The following EIF4EBP1 variants were observed in gnomAD, a reference collection of about 807,000 sequenced individuals.
EIF4EBP1 encodes eukaryotic translation initiation factor 4E-binding protein 1.
Under a neutral mutation model 9.2 loss-of-function variants are expected in EIF4EBP1, and 5 were observed. The observed-to-expected ratio is 0.54, with a 90% CI of 0.28 to 1.14. The LOEUF is 1.14. EIF4EBP1 is among the 50% of genes most tolerant of loss of function. The probability of loss-of-function intolerance (pLI) is 0.09; values close to 1 mark genes in which losing one functional copy is unlikely to be tolerated. For missense variants in EIF4EBP1, 139 were observed against 169.6 expected (o/e 0.82, Z 1.00); for synonymous variants, 62 against 67.0 (o/e 0.93, Z 0.36).
At chr8:38,055,399 C>T (rs935717783) in intron 1 of EIF4EBP1, among the ~76,000 whole-genome samples, 2 of 152,092 alleles carry the variant, frequency 1.3e-5, no homozygotes, top group African/African-American at 4.8e-5. Flanking sequence ...CTCATCATAG[C>T]CCCTAAGTGA....
At chr8:38,059,361 C>T (rs971261009) in intron 2 of EIF4EBP1, among the ~76,000 whole-genome samples, 5 of 152,196 alleles carry the variant, frequency 3.3e-5, no homozygotes, top group African/African-American at 1.2e-4. Context: ...TCCCGCTTTG[C>T]TTTCCACCAT....
intron 1 of EIF4EBP1, among the ~76,000 whole-genome samples, chr8:38,040,685 C>A (rs1809365593): frequency 6.6e-6 from 1 of 152,190 alleles, no homozygotes; most frequent in African/African-American, 2.4e-5. Context: ...TTCCCTCTAT[C>A]CTCTTGGTCT....
rs112068121 is a variant in EIF4EBP1 at position 38,054,854 on chromosome 8, TG to T, written c.146-2224del. ...TAGGCACTCAGACCTAGAAGGTGCA[TG>T]GGTCTTTATTTTACAGATGAGGAGA... On this transcript the variant is annotated intron_variant, in intron 1 of 2. Transcript: ENST00000338825. Among the ~76,000 whole-genome samples the T allele has an allele frequency of 1.4e-3, 216 of 152,272 alleles. 2 individuals are homozygous for T. The highest frequency in any genetic ancestry group is 4.9e-3 in the African/African-American group (202 of 41,554).
intron 1 of EIF4EBP1, among the ~76,000 whole-genome samples, chr8:38,041,490 A>T (rs1809378932): frequency 6.6e-6 from 1 of 152,190 alleles, no homozygotes. Context: ...ATAATCCTCC[A>T]CAAGGGCCAG....
At chr8:38,049,220 A>G (rs1182367662) in intron 1 of EIF4EBP1, among the ~76,000 whole-genome samples, 1 of 152,060 alleles carries the variant, frequency 6.6e-6, no homozygotes, top group Non-Finnish European at 1.5e-5. Flanking sequence ...TGCAGGTTGA[A>G]GTGAATTTTC....
At position 38,051,149 on chromosome 8, in the gene EIF4EBP1, A is replaced by G. The variant is rs372720799; in HGVS notation, c.146-5932A>G. On this transcript the variant is annotated intron_variant, in intron 1 of 2. Transcript: ENST00000338825. ...CAGACTTCCAAGCAGTCTCCCTGTT[A>G]TCAGCCCCCATCCCCAGATTCCATG... Among the ~76,000 whole-genome samples the G allele has an allele frequency of 2.5e-4, 38 of 152,236 alleles. 1 individual carries two copies. The South Asian group carries it at 7.7e-3, about 31-fold the overall frequency.
chr8:38,040,908 G>A (rs1272053684), intron 1 of EIF4EBP1, among the ~76,000 whole-genome samples: 2 of 150,292 alleles, frequency 1.3e-5, no homozygotes, highest in African/African-American at 5.0e-5. Context: ...TTGAGATGGA[G>A]TCTCTCTCTG....
In EIF4EBP1 at chr8:38,051,798, T is replaced by C. The variant is rs1048121492; in HGVS notation, c.146-5283T>C. ...TTTTAATAGAGGCGGGATTTCGCCATGTTGGCCAGGCTGGTCTCGAACTCC... is the reference window on the plus strand; with the variant it reads ...TTTTAATAGAGGCGGGATTTCGCCACGTTGGCCAGGCTGGTCTCGAACTCC... On this transcript the variant is annotated intron_variant, in intron 1 of 2. Coordinates refer to ENST00000338825, the MANE Select transcript of EIF4EBP1 (RefSeq NM_004095.4). 1.4e-4 allele frequency among the ~76,000 whole-genome samples: 21 copies of C among 152,164 alleles called. No individual in the cohort carries two copies. In the South Asian group the frequency reaches 1.7e-3, roughly 12 times the overall value.
chr8:38,059,533 T>C (rs957303136), intron 2 of EIF4EBP1, among the ~76,000 whole-genome samples: 2 of 151,840 alleles, frequency 1.3e-5, no homozygotes, highest in Admixed American at 1.3e-4. Flanking sequence ...GGGTGGATCA[T>C]CTGAGATCAG....
chr8:38,055,119 A>G (rs1809579037), intron 1 of EIF4EBP1, among the ~76,000 whole-genome samples: 2 of 152,178 alleles, frequency 1.3e-5, no homozygotes, highest in African/African-American at 2.4e-5. Flanking sequence ...CTAGAGGAAC[A>G]CAGCCAGCAG....
intron 1 of EIF4EBP1, among the ~76,000 whole-genome samples, chr8:38,040,475 C>T (rs1025288804): frequency 1.4e-4 from 22 of 152,192 alleles, no homozygotes; most frequent in African/African-American, 5.1e-4. Context: ...ATATAACAAG[C>T]CATCCCCAAA....
Position 38,057,335 on chromosome 8 carries a change from G to A in EIF4EBP1, c.325+75G>A, listed in dbSNP as rs544146861. On this transcript the variant is annotated intron_variant, in intron 2 of 2. Coordinates refer to ENST00000338825, the MANE Select transcript of EIF4EBP1 (RefSeq NM_004095.4). ...AGGCTCCTGGAGTCCATCCACTGGG[G>A]GCAATTCCAGGGAGGAGGAACAACA... 5.6e-4 allele frequency: 837 copies of A among 1,495,240 alleles called. 1 individual carries two copies. Among genetic ancestry groups the A allele is most frequent in the Non-Finnish European group, 6.9e-4 (767 of 1,118,114 alleles). 92.6% of individuals were successfully genotyped at this position (1,495,240 alleles called of 1,614,324 possible). A position where few individuals can be genotyped will look rare whatever the true frequency, so the allele number is the denominator to read the frequency against.
chr8:38,032,627 G>C (rs1280270161), intron 1 of EIF4EBP1, among the ~76,000 whole-genome samples: 1 of 152,224 alleles, frequency 6.6e-6, no homozygotes, highest in Non-Finnish European at 1.5e-5. Context: ...GTCTTTAGCA[G>C]TAGGGGGAGT....
At chr8:38,050,406 T>C (rs754724696) in intron 1 of EIF4EBP1, among the ~76,000 whole-genome samples, 1 of 152,180 alleles carries the variant, frequency 6.6e-6, no homozygotes, top group Non-Finnish European at 1.5e-5. Flanking sequence ...TGGAGTATAG[T>C]GGTGCAGTCT....
chr8:38,059,147 C>T (rs1480640502), intron 2 of EIF4EBP1, among the ~76,000 whole-genome samples: 4 of 152,112 alleles, frequency 2.6e-5, no homozygotes, highest in Non-Finnish European at 1.5e-5. Flanking sequence ...TTTGTCCCTG[C>T]CCAAATCTCA....
intron 1 of EIF4EBP1, among the ~76,000 whole-genome samples, chr8:38,042,926 G>A (rs1305353618): frequency 2.0e-5 from 3 of 152,268 alleles, no homozygotes; most frequent in South Asian, 2.1e-4. Context: ...TTACCCAGGC[G>A]TGGTGGCAGG....
At chr8:38,038,507 C>CAA (rs71216646) in intron 1 of EIF4EBP1, among the ~76,000 whole-genome samples, 1,387 of 127,010 alleles carry the variant, frequency 0.011, 29 homozygotes, top group Admixed American at 0.03. Flanking sequence ...GACTCCATCT[C>CAA]AAAAAAAAAA....
chr8:38,049,904 C>A (rs1335838950), intron 1 of EIF4EBP1, among the ~76,000 whole-genome samples: 1 of 127,720 alleles, frequency 7.8e-6, no homozygotes, highest in Non-Finnish European at 1.6e-5. Context: ...ATCTCTTTGT[C>A]CTTTTTCTTT....
intron 1 of EIF4EBP1, among the ~76,000 whole-genome samples, chr8:38,035,215 T>TTTA (rs1286898858): frequency 7.9e-5 from 12 of 151,838 alleles, no homozygotes; most frequent in African/African-American, 2.7e-4. Flanking sequence ...CAGACTCCTT[T>TTTA]TTATTATTAT....
Sources: allele counts gnomAD v4.1 joint callset (sites outside exome capture counted in the v4.1 genomes callset), GRCh38; gene constraint gnomAD v4.1.1; transcripts MANE v1.5; gene names NCBI Gene and HGNC (gene_info 2026-07-23, HGNC 2026-07-21).